Variants in RC3H1 observed in about 807,000 individuals in gnomAD.
The protein encoded by RC3H1 is roquin-1.
RC3H1 carries 50 observed loss-of-function variants against 138.2 expected under a neutral mutation model. That is an observed-to-expected ratio of 0.36 (90% CI 0.29 to 0.46). The LOEUF is 0.46. Ranked by LOEUF, RC3H1 falls within the 20% of genes least tolerant of loss-of-function variation. The pLI is 1.00. For synonymous variants in RC3H1, 462 were observed against 489.1 expected, an observed-to-expected ratio of 0.94 and a Z score of 0.73; for missense variants, 1,031 against 1,388.1, an observed-to-expected ratio of 0.74 and a Z score of 4.09.
intron 18 of RC3H1, among the ~76,000 whole-genome samples, chr1:173,942,428 C>CAAAAAAAAAAAAAAAAAA (rs60694243): frequency 5.0e-4 from 19 of 38,078 alleles, no homozygotes; most frequent in African/African-American, 2.4e-3. Flanking sequence ...GACTCAGTCT[C>CAAAAAAAAAAAAAAAAAA]AAAAAAAAAA....
chr1:173,946,821 C>T lies in RC3H1; in HGVS notation c.2753G>A (p.Gly918Glu). 1 of 1,605,862 alleles carries T rather than the reference C, an allele frequency of 6.2e-7. No individual in the cohort carries two copies. The highest frequency in any genetic ancestry group is 8.5e-7 in the Non-Finnish European group (1 of 1,172,504). Residue 918 changes from glycine to glutamate, a missense_variant, in exon 16 of 20, where the codon GGA becomes GAA. Around this residue, in one of 7 missense-constraint regions of RC3H1, gnomAD observed 716 missense variants for 837.9 expected, o/e 0.85. Coordinates refer to ENST00000367696, the MANE Select transcript of RC3H1 (RefSeq NM_172071.4). ...SINISDYSPYGTHGGWGASPY... is the reference protein window; with the variant it reads ...SINISDYSPYETHGGWGASPY... The stretch of plus-strand genomic sequence containing the variant: ...AGAAGCTCCCCAGCCACCGTGGGTT[C>T]CATATGGACTATAATCTGTAAGAGA...
intron 1 of RC3H1, among the ~76,000 whole-genome samples, chr1:174,005,515 T>C (rs1661638462): frequency 6.6e-6 from 1 of 152,228 alleles, no homozygotes; most frequent in African/African-American, 2.4e-5. Context: ...TTTGAAAGAT[T>C]GTCTCAATTG....
At chr1:174,018,897 G>A (rs985945149) in intron 1 of RC3H1, among the ~76,000 whole-genome samples, 4 of 152,096 alleles carry the variant, frequency 2.6e-5, no homozygotes, top group African/African-American at 9.7e-5. Context: ...GGACTGATTA[G>A]ACCCATCAGA....
chr1:173,939,365 C>G (rs1291187359), intron 19 of RC3H1, among the ~76,000 whole-genome samples: 1 of 151,518 alleles, frequency 6.6e-6, no homozygotes, highest in Non-Finnish European at 1.5e-5. Context: ...TGGTGAAACC[C>G]TGTCTCTACT....
At chr1:173,986,017 CTAT>C (rs898140190) in intron 2 of RC3H1, among the ~76,000 whole-genome samples, 2 of 151,836 alleles carry the variant, frequency 1.3e-5, no homozygotes, top group Non-Finnish European at 2.9e-5. Context: ...TCAGTTTCCC[CTAT>C]TATTATTATT....
In RC3H1 at chr1:173,977,822, T is replaced by C. The variant is rs891234896; in HGVS notation, c.1102+666A>G. Among the ~76,000 whole-genome samples the C allele has an allele frequency of 2.0e-5, 3 of 151,816 alleles. No individual in the cohort carries two copies. In the South Asian group the frequency reaches 6.2e-4, roughly 32 times the overall value. On this transcript the variant is annotated intron_variant, in intron 7 of 19. Coordinates refer to ENST00000367696, the MANE Select transcript of RC3H1 (RefSeq NM_172071.4). Reference sequence around the variant, plus strand: ...AGAACTATGAGATCACAGAAAGATATCAAAAAAGTGCTCAACAACATTATC... The same window carrying C: ...AGAACTATGAGATCACAGAAAGATACCAAAAAAGTGCTCAACAACATTATC...
At chr1:174,000,003 T>C (rs1315166113) in intron 1 of RC3H1, among the ~76,000 whole-genome samples, 1 of 152,220 alleles carries the variant, frequency 6.6e-6, no homozygotes, top group Non-Finnish European at 1.5e-5. Flanking sequence ...ATAGTAATTA[T>C]GGCAAGGGAG....
chr1:173,980,043 A>AT (rs1437654916), intron 6 of RC3H1, among the ~76,000 whole-genome samples: 3,156 of 137,036 alleles, frequency 0.023, 53 homozygotes, highest in Middle Eastern at 0.098. Flanking sequence ...ACACCTGGCT[A>AT]TTTTTTTTTT....
At position 173,943,501 on chromosome 1, in the gene RC3H1, T is replaced by C; in HGVS notation, c.3076A>G (p.Ser1026Gly). The C allele has an allele frequency of 6.2e-7, 1 of 1,613,974 alleles. No homozygotes were observed. Among genetic ancestry groups the C allele is most frequent in the South Asian group, 1.1e-5 (1 of 91,040 alleles). ...CTTTCCACCTGGTGCAGTTCCAAGCTCAACTGCTCACTTGAGATCATCCCA... is the reference window on the plus strand; with the variant it reads ...CTTTCCACCTGGTGCAGTTCCAAGCCCAACTGCTCACTTGAGATCATCCCA... ...WPGMISSEQL[S>G]LELHQVEREI... The change falls in exon 18 of 20, where the codon AGC (serine) becomes GGC (glycine). Residue 1026 changes from serine to glycine, a missense_variant. By Grantham distance (56) the Ser-to-Gly change is moderately conservative (BLOSUM62 0). Around this residue, in one of 7 missense-constraint regions of RC3H1, gnomAD observed 716 missense variants for 837.9 expected, o/e 0.85. Transcript: ENST00000367696.
chr1:173,973,222 GT>G (rs1204754529), intron 7 of RC3H1, among the ~76,000 whole-genome samples: 1 of 152,138 alleles, frequency 6.6e-6, no homozygotes, highest in Non-Finnish European at 1.5e-5. Context: ...TATAAATAAA[GT>G]TTTGGTAAAC....
intron 18 of RC3H1, among the ~76,000 whole-genome samples, chr1:173,942,117 C>G (rs1487721515): frequency 2.0e-5 from 3 of 151,650 alleles, no homozygotes; most frequent in African/African-American, 7.3e-5. Flanking sequence ...TGGCAGGTGC[C>G]TGTAATCCTG....
chr1:174,005,895 T>C (rs1481438357), intron 1 of RC3H1, among the ~76,000 whole-genome samples: 1 of 152,156 alleles, frequency 6.6e-6, no homozygotes, highest in Non-Finnish European at 1.5e-5. Flanking sequence ...TTGTTAGTCC[T>C]TACTGGTGAC....
chr1:173,996,006 C>A (rs1356599876), intron 1 of RC3H1, among the ~76,000 whole-genome samples: 2 of 152,166 alleles, frequency 1.3e-5, no homozygotes, highest in African/African-American at 4.8e-5. Flanking sequence ...GTAATCCCAG[C>A]ACTTTGGGAG....
intron 2 of RC3H1, among the ~76,000 whole-genome samples, chr1:173,986,711 C>A (rs182809084): frequency 1.9e-4 from 29 of 152,100 alleles, no homozygotes; most frequent in Non-Finnish European, 3.1e-4. Context: ...TACAGGCATG[C>A]GCCACCACGC....
At chr1:173,984,397 A>T (rs1177620786) in intron 3 of RC3H1, 102 bp downstream of exon 3, 79 of 1,050,150 alleles carry the variant, frequency 7.5e-5, no homozygotes, top group Non-Finnish European at 9.8e-5. Context: ...ATTTACCTCT[A>T]GTTAGGTTTT....
At chr1:173,976,568 G>C (rs1180516485) in intron 7 of RC3H1, among the ~76,000 whole-genome samples, 1 of 152,236 alleles carries the variant, frequency 6.6e-6, no homozygotes, top group South Asian at 2.1e-4. Context: ...AGTTTGGATA[G>C]AGCAGTGGAG....
chr1:173,950,420 C>CAAAAAAAA lies in RC3H1; in HGVS notation c.2523+1558_2523+1565dup, dbSNP rs60259705. Among the ~76,000 whole-genome samples the CAAAAAAAA allele has an allele frequency of 1.7e-3, 107 of 63,622 alleles. 3 individuals carry two copies. Among genetic ancestry groups the CAAAAAAAA allele is most frequent in the African/African-American group, 7.2e-3 (104 of 14,374 alleles). 41.7% of individuals were successfully genotyped at this position (63,622 alleles called of 152,430 possible). On this transcript the variant is annotated intron_variant, in intron 14 of 19. Coordinates refer to ENST00000367696, the MANE Select transcript of RC3H1 (RefSeq NM_172071.4). ...CAACATAGCAAGACCTCATCTCTACCAAAAAAAAAAAAAAAAAAAAAGAGC... is the reference window on the plus strand; with the variant it reads ...CAACATAGCAAGACCTCATCTCTACCAAAAAAAAAAAAAAAAAAAAAAAAAAAAAGAGC...
intron 1 of RC3H1, among the ~76,000 whole-genome samples, chr1:174,013,442 T>TA (rs1661805730): frequency 6.6e-6 from 1 of 150,970 alleles, no homozygotes; most frequent in African/African-American, 2.4e-5. Context: ...ATTATTATTA[T>TA]TATATATATA....
At chr1:173,985,950 T>C (rs935160020) in intron 2 of RC3H1, among the ~76,000 whole-genome samples, 1 of 152,192 alleles carries the variant, frequency 6.6e-6, no homozygotes, top group Non-Finnish European at 1.5e-5. Flanking sequence ...TGTAGAACAG[T>C]TTTAGATTTA....
Sources: gnomAD v4.1 joint callset for allele counts (sites outside exome capture counted in the v4.1 genomes callset) on GRCh38, gnomAD v4.1.1 for gene constraint, gnomAD v4.1.1 regional missense constraint, MANE v1.5 for transcripts, NCBI Gene and HGNC (gene_info 2026-07-23, HGNC 2026-07-21) for gene names.